Variants in DNAJC11 observed in about 807,000 individuals in gnomAD.
DNAJC11 encodes the protein DnaJ heat shock protein family (Hsp40) member C11.
DNAJC11 carries 15 observed loss-of-function variants against 78.6 expected under a neutral mutation model. The observed-to-expected ratio is 0.19, with a 90% CI of 0.13 to 0.29. The LOEUF (loss-of-function observed/expected upper bound fraction) is 0.29, where lower values mean the gene tolerates loss of function less well. DNAJC11 is among the 10% of genes least tolerant of loss of function. DNAJC11 has a pLI of 1.00. For synonymous variants in DNAJC11, 292 were observed against 272.1 expected (o/e 1.07, Z -0.72); for missense variants, 547 against 709.6 (o/e 0.77, Z 2.60).
At position 6,645,234 on chromosome 1, in the gene DNAJC11, T is replaced by A. The variant is rs989723596; in HGVS notation, c.895-108A>T. 1.3e-5 allele frequency: 11 copies of A among 841,910 alleles called. No individual in the cohort carries two copies. The highest frequency in any genetic ancestry group is 3.6e-4 in the Middle Eastern group (1 of 2,754). 52.2% of individuals were successfully genotyped at this position (841,910 alleles called of 1,614,324 possible). Reference sequence around the variant, plus strand: ...TGGGCATCTGCTGCACACAGGCCTTTAAGGCAGGGGTCACGGTCTGGCAGC... The same window carrying A: ...TGGGCATCTGCTGCACACAGGCCTTAAAGGCAGGGGTCACGGTCTGGCAGC... On this transcript the variant is annotated intron_variant, in intron 8 of 15. Coordinates refer to ENST00000377577, the MANE Select transcript of DNAJC11 (RefSeq NM_018198.4). The surrounding 1 kb of genome is among the most constrained non-coding windows in gnomAD (Gnocchi z 4.1).
At chr1:6,659,269 C>T (rs753658656) in intron 4 of DNAJC11, among the ~76,000 whole-genome samples, 1 of 152,198 alleles carries the variant, frequency 6.6e-6, no homozygotes, top group Non-Finnish European at 1.5e-5. Flanking sequence ...CTACTAATGT[C>T]TTCTCTCATC....
chr1:6,694,705 C>T (rs1642805188), intron 1 of DNAJC11, among the ~76,000 whole-genome samples: 1 of 151,878 alleles, frequency 6.6e-6, no homozygotes. Flanking sequence ...GTGGCTCACA[C>T]CTATAATCGC....
In DNAJC11 at chr1:6,634,767, G is replaced by A. The variant is rs374919459; in HGVS notation, c.*908C>T. The A allele has an allele frequency of 1.2e-4, 164 of 1,330,336 alleles. 1 individual carries two copies. In the South Asian group the frequency reaches 1.2e-3, roughly 10 times the overall value. 82.4% of individuals were successfully genotyped at this position (1,330,336 alleles called of 1,614,324 possible). ...GTGAGGACGCTGGACCTGCAGGAGC[G>A]GGGAGCTGCAGTGCCACCTGCTGGG... On this transcript the variant is annotated 3_prime_UTR_variant, in exon 16 of 16. Coordinates refer to ENST00000377577, the MANE Select transcript of DNAJC11 (RefSeq NM_018198.4).
At chr1:6,681,311 GCT>G (rs1642548679) in intron 1 of DNAJC11, among the ~76,000 whole-genome samples, 1 of 152,140 alleles carries the variant, frequency 6.6e-6, no homozygotes, top group Non-Finnish European at 1.5e-5. Context: ...GGCTCAGTGT[GCT>G]CTGAGCTGAA....
chr1:6,656,374 T>C (rs1173055651), intron 4 of DNAJC11, among the ~76,000 whole-genome samples: 2 of 152,024 alleles, frequency 1.3e-5, no homozygotes, highest in South Asian at 2.1e-4. Context: ...TTTTATAGCA[T>C]CTAAATTTGA....
chr1:6,695,852 G>C (rs1199207391), intron 1 of DNAJC11, among the ~76,000 whole-genome samples: 1 of 151,772 alleles, frequency 6.6e-6, no homozygotes, highest in African/African-American at 2.4e-5. Flanking sequence ...TAAATTACTA[G>C]CGTTGAAGCA....
intron 1 of DNAJC11, among the ~76,000 whole-genome samples, chr1:6,698,431 G>A (rs1642873414): frequency 6.6e-6 from 1 of 152,062 alleles, no homozygotes; most frequent in Non-Finnish European, 1.5e-5. Flanking sequence ...ATCAAGTTCA[G>A]ACATCACCTT....
chr1:6,663,401 G>T (rs1176146863), intron 4 of DNAJC11, among the ~76,000 whole-genome samples: 2 of 152,146 alleles, frequency 1.3e-5, no homozygotes, highest in African/African-American at 4.8e-5. Flanking sequence ...GGATCAAGTT[G>T]CCTTCTAAAT....
At chr1:6,636,269 C>G (rs746599703) in intron 14 of DNAJC11, 23 bp from the exon 15 acceptor site, 2 of 1,612,978 alleles carry the variant, frequency 1.2e-6, no homozygotes, top group Non-Finnish European at 1.7e-6. Flanking sequence ...AATTGCTACT[C>G]TCAATACTCC....
intron 1 of DNAJC11, among the ~76,000 whole-genome samples, chr1:6,696,573 A>G (rs1342297583): frequency 6.6e-6 from 1 of 152,156 alleles, no homozygotes; most frequent in Non-Finnish European, 1.5e-5. Context: ...AGCTAAGGAA[A>G]CCCCAACAAC....
intron 3 of DNAJC11, 51 bp downstream of exon 3, chr1:6,678,343 T>C: frequency 6.6e-7 from 1 of 1,518,540 alleles, no homozygotes; most frequent in African/African-American, 1.4e-5. Context: ...GGAGATGTTC[T>C]GTAACTGTTT....
At chr1:6,674,524 A>T (rs1642429862) in intron 3 of DNAJC11, among the ~76,000 whole-genome samples, 1 of 152,048 alleles carries the variant, frequency 6.6e-6, no homozygotes, top group Admixed American at 6.6e-5. Flanking sequence ...TCACGCCACT[A>T]CACTCAGCCT....
chr1:6,680,143 T>C lies in DNAJC11; in HGVS notation c.202+765A>G, dbSNP rs189607533. ...AATCACCAGATGGTTCTGGAACAAA[T>C]AACTTATTGTAGTTGATGTATATAA... On this transcript the variant is annotated intron_variant, in intron 2 of 15. Transcript: ENST00000377577. This position sits in a 1 kb window ranked among gnomAD's most constrained non-coding sequence, Gnocchi z 4.0. Among the ~76,000 whole-genome samples, 225 of 152,384 alleles carry C rather than the reference T, an allele frequency of 1.5e-3. No homozygotes were observed. The highest frequency in any genetic ancestry group is 5.2e-3 in the African/African-American group (216 of 41,598).
At chr1:6,697,693 T>C (rs139346164) in intron 1 of DNAJC11, among the ~76,000 whole-genome samples, 144 of 152,338 alleles carry the variant, frequency 9.5e-4, no homozygotes, top group African/African-American at 3.3e-3. Flanking sequence ...GGACCCCTGC[T>C]CTAGAATACA....
chr1:6,645,250 G>A lies in DNAJC11; in HGVS notation c.895-124C>T. The A allele has an allele frequency of 1.4e-6, 1 of 718,806 alleles. No individual in the cohort carries two copies. The highest frequency in any genetic ancestry group is 2.5e-6 in the Non-Finnish European group (1 of 406,538). 44.5% of individuals were successfully genotyped at this position (718,806 alleles called of 1,614,324 possible). ...ACAGGCCTTTAAGGCAGGGGTCACG[G>A]TCTGGCAGCCGCAGTGAGTGCACCA... On this transcript the variant is annotated intron_variant, in intron 8 of 15. Coordinates refer to ENST00000377577, the MANE Select transcript of DNAJC11 (RefSeq NM_018198.4). The surrounding 1 kb of genome is among the most constrained non-coding windows in gnomAD (Gnocchi z 4.1).
intron 1 of DNAJC11, among the ~76,000 whole-genome samples, chr1:6,699,294 C>T (rs1642888203): frequency 6.6e-6 from 1 of 152,158 alleles, no homozygotes; most frequent in Non-Finnish European, 1.5e-5. Flanking sequence ...GAGACCCTGT[C>T]TCTAAACAAA....
Position 6,639,997 on chromosome 1 carries a change from G to A in DNAJC11, c.1158C>T (p.Pro386=). The stretch of plus-strand genomic sequence containing the variant: ...CCACGGTGGCATAGAACATGGCGCT[G>A]GGCAGAAGCTGGTCCGTCAAGTGAA... ...FPIHLTDQLL[P]SAMFYATVGP... is the part of the protein sequence containing the mutation. Residue 386 remains proline (P), a synonymous_variant, in exon 11 of 16, where the codon CCC becomes CCT. Coordinates refer to ENST00000377577, the MANE Select transcript of DNAJC11 (RefSeq NM_018198.4). The A allele has an allele frequency of 2.5e-6, 4 of 1,613,442 alleles. 1 individual carries two copies. The South Asian group carries it at 3.3e-5, about 13-fold the overall frequency.
At chr1:6,695,627 T>TAAAA (rs70984004) in intron 1 of DNAJC11, among the ~76,000 whole-genome samples, 2,353 of 82,746 alleles carry the variant, frequency 0.028, 228 homozygotes, top group Non-Finnish European at 0.041. Flanking sequence ...CTATCTCTAC[T>TAAAA]AAAAAAAAAA....
intron 1 of DNAJC11, among the ~76,000 whole-genome samples, chr1:6,701,435 G>GC (rs1336148994): frequency 6.6e-6 from 1 of 152,202 alleles, no homozygotes; most frequent in Non-Finnish European, 1.5e-5. Flanking sequence ...CCTCCTCGGG[G>GC]CCCCCGTTTC....
Sources: gnomAD v4.1 joint callset for allele counts (sites outside exome capture counted in the v4.1 genomes callset) on GRCh38, gnomAD v4.1.1 for gene constraint, Gnocchi (gnomAD v3.1) non-coding constraint, MANE v1.5 for transcripts, NCBI Gene and HGNC (gene_info 2026-07-23, HGNC 2026-07-21) for gene names.